UNC13C: variants seen among roughly 807,000 people sequenced by gnomAD.
The protein encoded by UNC13C is unc-13 homolog C.
UNC13C carries 174 observed loss-of-function variants against 245.4 expected under a neutral mutation model. The ratio of observed to expected loss-of-function variants is 0.71; its 90% CI spans 0.63 to 0.80. The LOEUF (loss-of-function observed/expected upper bound fraction) is 0.80. Ranked by LOEUF, UNC13C falls within the 30% of genes least tolerant of loss-of-function variation. UNC13C has a pLI of 0.00. For missense variants in UNC13C, 2,829 were observed against 2,602.9 expected (o/e 1.09, Z -1.89); for synonymous variants, 992 against 895.1 (o/e 1.11, Z -1.93).
chr15:54,239,348 T>C (rs986779073), intron 7 of UNC13C, among the ~76,000 whole-genome samples: 1 of 152,242 alleles, frequency 6.6e-6, no homozygotes, highest in African/African-American at 2.4e-5. Context: ...CGTTTGACTA[T>C]GTGGAGGCTA....
chr15:54,335,227 A>G (rs2038542109), intron 16 of UNC13C, among the ~76,000 whole-genome samples: 1 of 151,992 alleles, frequency 6.6e-6, no homozygotes, highest in Non-Finnish European at 1.5e-5. Context: ...ACTTTCCCCT[A>G]TGTATGTGCT....
At chr15:53,984,994 A>G (rs1044158016) in intron 1 of UNC13C, among the ~76,000 whole-genome samples, 78 of 152,032 alleles carry the variant, frequency 5.1e-4, no homozygotes, top group African/African-American at 1.9e-3. Context: ...TTCTAAAGAA[A>G]ACACGGGAAT....
chr15:54,395,510 C>A (rs1212085620), intron 18 of UNC13C, among the ~76,000 whole-genome samples: 2 of 151,774 alleles, frequency 1.3e-5, no homozygotes, highest in African/African-American at 4.8e-5. Flanking sequence ...ATAAACGATC[C>A]CTGTTATTGT....
intron 2 of UNC13C, among the ~76,000 whole-genome samples, chr15:54,042,716 G>T (rs1021725961): frequency 6.6e-6 from 1 of 152,244 alleles, no homozygotes; most frequent in Admixed American, 6.5e-5. Context: ...AGCCGGGCAT[G>T]GTGGTGGGTG....
chr15:54,486,132 G>A (rs34800150), intron 19 of UNC13C, among the ~76,000 whole-genome samples: 46,194 of 151,498 alleles, frequency 0.3, 7,504 homozygotes, highest in East Asian at 0.52. Context: ...CCCAGTGGCC[G>A]GGCATGGTGG....
At chr15:54,059,352 C>A (rs1252375728) in intron 2 of UNC13C, among the ~76,000 whole-genome samples, 1 of 152,138 alleles carries the variant, frequency 6.6e-6, no homozygotes, top group Non-Finnish European at 1.5e-5. Flanking sequence ...CATGAGTGAA[C>A]TCCCATTCAC....
chr15:54,158,679 T>A (rs182155506), intron 4 of UNC13C, among the ~76,000 whole-genome samples: 1 of 151,612 alleles, frequency 6.6e-6, no homozygotes, highest in African/African-American at 2.4e-5. Context: ...AGAAATAGGA[T>A]CTTGCTGTCA....
At chr15:54,241,787 C>T (rs186684148) in intron 7 of UNC13C, among the ~76,000 whole-genome samples, 11 of 152,320 alleles carry the variant, frequency 7.2e-5, no homozygotes, top group Admixed American at 2.6e-4. Flanking sequence ...GTGATCGGGG[C>T]TGCAGAATAC....
At chr15:54,174,141 G>A (rs1360061799) in intron 4 of UNC13C, among the ~76,000 whole-genome samples, 1 of 151,998 alleles carries the variant, frequency 6.6e-6, no homozygotes, top group Non-Finnish European at 1.5e-5. Flanking sequence ...ATGCTCATGA[G>A]GGCAATTGGT....
chr15:54,584,146 TTGGC>T (rs1197580060), intron 30 of UNC13C, among the ~76,000 whole-genome samples: 2 of 152,160 alleles, frequency 1.3e-5, no homozygotes, highest in Non-Finnish European at 2.9e-5. Flanking sequence ...CTCCTGGAGA[TTGGC>T]TGGTTTCTGG....
At chr15:54,566,066 T>TC (rs928602762) in intron 29 of UNC13C, among the ~76,000 whole-genome samples, 4 of 151,676 alleles carry the variant, frequency 2.6e-5, no homozygotes, top group Admixed American at 6.6e-5. Context: ...TTTCCAGAGT[T>TC]CCCCCCCTAC....
chr15:54,269,558 A>C (rs1446640533), intron 10 of UNC13C, among the ~76,000 whole-genome samples: 1 of 152,158 alleles, frequency 6.6e-6, no homozygotes, highest in African/African-American at 2.4e-5. Flanking sequence ...AGTAATGATA[A>C]GTGCAGCCAA....
chr15:53,904,534 T>C, the UNC13C span, among the ~76,000 whole-genome samples: 4 of 152,156 alleles, frequency 2.6e-5, 1 homozygote, highest in South Asian at 8.3e-4. Flanking sequence ...CTCTTTTCTG[T>C]TTGCCTCCAG....
At chr15:54,103,916 TG>T (rs1900294572) in intron 2 of UNC13C, among the ~76,000 whole-genome samples, 1 of 152,018 alleles carries the variant, frequency 6.6e-6, no homozygotes, top group Non-Finnish European at 1.5e-5. Context: ...AGCTAATTTT[TG>T]TATTTTTAGT....
At chr15:54,235,906 A>C (rs1359407221) in intron 5 of UNC13C, among the ~76,000 whole-genome samples, 1 of 152,178 alleles carries the variant, frequency 6.6e-6, no homozygotes, top group Non-Finnish European at 1.5e-5. Flanking sequence ...TCAAGTTATT[A>C]ACATCATTAT....
chr15:53,879,912 C>A, the UNC13C span, among the ~76,000 whole-genome samples: 1 of 151,562 alleles, frequency 6.6e-6, no homozygotes, highest in Non-Finnish European at 1.5e-5. Context: ...ATAAGACATA[C>A]GGTATAGTGG....
chr15:54,049,147 G>C (rs1178163545), intron 2 of UNC13C: 1 of 393,404 alleles, frequency 2.5e-6, no homozygotes, highest in African/African-American at 2.1e-5. Context: ...CGAGGAAGAA[G>C]CTTTCCATCA....
chr15:54,170,004 T>C (rs1305780479), intron 4 of UNC13C, among the ~76,000 whole-genome samples: 1 of 77,048 alleles, frequency 1.3e-5, no homozygotes, highest in Non-Finnish European at 3.0e-5. Context: ...TTTTTTTTTT[T>C]TTTTAAACAT....
At chr15:54,352,150 TCTATATGGTTA>T (rs1199953910) in intron 17 of UNC13C, among the ~76,000 whole-genome samples, 2 of 151,660 alleles carry the variant, frequency 1.3e-5, no homozygotes, top group Non-Finnish European at 3.0e-5. Context: ...TAAAATTCTC[TCTATATGGTTA>T]AGTTTAATGC....
Sources: gnomAD v4.1 joint callset for allele counts (sites outside exome capture counted in the v4.1 genomes callset) on GRCh38, gnomAD v4.1.1 for gene constraint, MANE v1.5 for transcripts, NCBI Gene and HGNC (gene_info 2026-07-23, HGNC 2026-07-21) for gene names.